Variants in ARHGAP21 observed in about 807,000 individuals in gnomAD.
ARHGAP21 encodes Rho GTPase activating protein 21.
ARHGAP21 carries 38 observed loss-of-function variants against 164.6 expected under a neutral mutation model. That is an observed-to-expected ratio of 0.23 (90% CI 0.18 to 0.30). ARHGAP21 has a LOEUF of 0.30. Among genes scored for constraint, ARHGAP21 ranks in the 10% least tolerant of loss-of-function variants. The probability of loss-of-function intolerance (pLI) is 1.00; values close to 1 mark genes in which losing one functional copy is unlikely to be tolerated. For synonymous variants in ARHGAP21, 766 were observed against 857.9 expected (o/e 0.89, Z 1.87); for missense variants, 1,822 against 2,370.7 (o/e 0.77, Z 4.81).
chr10:24,605,876 C>T lies in ARHGAP21; in HGVS notation c.2685-1528G>A, dbSNP rs1262480650. On this transcript the variant is annotated intron_variant, in intron 11 of 25. Coordinates refer to ENST00000396432, the MANE Select transcript of ARHGAP21 (RefSeq NM_020824.4). ...GGTAAGACAGACATTATAAAACTAC[C>T]ATAATTAATAGAACCTCGTGTACAT... 3 of 151,916 alleles carry T rather than the reference C, an allele frequency of 2.0e-5. No homozygotes were observed. The South Asian group carries it at 6.2e-4, about 32-fold the overall frequency. The allele number at this position is 151,916 out of a possible 1,614,324, so 9.4% of individuals were successfully genotyped here.
chr10:24,651,587 G>C (rs1438939817), intron 4 of ARHGAP21, among the ~76,000 whole-genome samples: 1 of 152,170 alleles, frequency 6.6e-6, no homozygotes, highest in East Asian at 1.9e-4. Flanking sequence ...AAATAAAACA[G>C]AAAACCAAAT....
At chr10:24,589,006 C>A (rs1356936511) in intron 25 of ARHGAP21, among the ~76,000 whole-genome samples, 2 of 151,988 alleles carry the variant, frequency 1.3e-5, no homozygotes, top group East Asian at 3.9e-4. Flanking sequence ...ATGTTAGGAC[C>A]TAATTTTCAC....
In ARHGAP21 at chr10:24,673,010, G is replaced by A. The variant is rs1484746298; in HGVS notation, c.64-2613C>T. 3.3e-5 allele frequency among the ~76,000 whole-genome samples: 5 copies of A among 152,004 alleles called. No homozygotes were observed. The East Asian group carries it at 9.6e-4, about 29-fold the overall frequency. On this transcript the variant is annotated intron_variant, in intron 2 of 25. Coordinates refer to ENST00000396432, the MANE Select transcript of ARHGAP21 (RefSeq NM_020824.4). Reference sequence around the variant, plus strand: ...GATAAATCTGACAAAAGATTTGTAAGATCTACAAACTGAAGCTCCAAAACA... The same window carrying A: ...GATAAATCTGACAAAAGATTTGTAAAATCTACAAACTGAAGCTCCAAAACA...
intron 2 of ARHGAP21, among the ~76,000 whole-genome samples, chr10:24,682,205 T>C (rs1593272466): frequency 6.6e-6 from 1 of 151,876 alleles, no homozygotes; most frequent in African/African-American, 2.4e-5. Context: ...GGGAAAACAG[T>C]ATATAAAATA....
intron 9 of ARHGAP21, among the ~76,000 whole-genome samples, chr10:24,614,892 T>C (rs938570573): frequency 2.6e-5 from 4 of 151,340 alleles, no homozygotes; most frequent in African/African-American, 9.7e-5. Context: ...TGTTTCAGAA[T>C]AAAAGTTAAT....
intron 4 of ARHGAP21, among the ~76,000 whole-genome samples, chr10:24,660,925 C>T (rs551016916): frequency 4.7e-4 from 71 of 152,086 alleles, no homozygotes; most frequent in African/African-American, 1.5e-3. Context: ...CTGCTCAGGC[C>T]CCTATGCTGA....
intron 1 of ARHGAP21, chr10:24,722,685 C>G (rs1262777732): frequency 1.3e-5 from 2 of 152,054 alleles, no homozygotes; most frequent in Admixed American, 1.3e-4. Flanking sequence ...CCTCCGCCCC[C>G]CAAAAACGCA....
chr10:24,661,424 G>A (rs971296825), intron 4 of ARHGAP21, among the ~76,000 whole-genome samples: 8 of 151,978 alleles, frequency 5.3e-5, no homozygotes, highest in African/African-American at 1.2e-4. Flanking sequence ...TAAATGGCTC[G>A]GTATTTCTTG....
chr10:24,627,652 G>T (rs1227767584), intron 7 of ARHGAP21, among the ~76,000 whole-genome samples: 1 of 151,746 alleles, frequency 6.6e-6, no homozygotes, highest in Non-Finnish European at 1.5e-5. Flanking sequence ...TCTGTCTCTG[G>T]GATACTTTAT....
intron 2 of ARHGAP21, among the ~76,000 whole-genome samples, chr10:24,683,266 C>A (rs1272871060): frequency 1.3e-5 from 2 of 152,042 alleles, no homozygotes; most frequent in African/African-American, 4.8e-5. Flanking sequence ...CTTGGACATT[C>A]ATTTATAATA....
chr10:24,622,433 C>CATATATATAT (rs10530408), intron 8 of ARHGAP21, among the ~76,000 whole-genome samples: 41 of 89,748 alleles, frequency 4.6e-4, no homozygotes, highest in Non-Finnish European at 7.3e-4. Flanking sequence ...ACTTAAAAAA[C>CATATATATAT]ATATATATAT....
intron 2 of ARHGAP21, among the ~76,000 whole-genome samples, chr10:24,679,190 T>C (rs1190518823): frequency 6.6e-6 from 1 of 152,188 alleles, no homozygotes; most frequent in East Asian, 1.9e-4. Context: ...CAAAATATCA[T>C]AGGCTAGGTT....
At chr10:24,650,669 GA>G (rs1335227102) in intron 4 of ARHGAP21, among the ~76,000 whole-genome samples, 1 of 152,128 alleles carries the variant, frequency 6.6e-6, no homozygotes, top group Non-Finnish European at 1.5e-5. Flanking sequence ...ATACATACGT[GA>G]AAATTTCTAA....
intron 4 of ARHGAP21, among the ~76,000 whole-genome samples, chr10:24,639,780 G>C (rs1306944760): frequency 6.6e-6 from 1 of 152,116 alleles, no homozygotes; most frequent in Non-Finnish European, 1.5e-5. Context: ...ATAGGCCTGG[G>C]GGCTTTGTCA....
Position 24,597,526 on chromosome 10 carries a change from C to G in ARHGAP21, c.3255G>C (p.Leu1085Phe). The G allele has an allele frequency of 6.2e-7, 1 of 1,614,126 alleles. No individual in the cohort carries two copies. The change falls in exon 16 of 26, where the codon TTG becomes TTC. Residue 1085 changes from leucine (L) to phenylalanine (F), a missense_variant. Leu to Phe is a conservative substitution (Grantham distance 22, BLOSUM62 0). This residue lies in a region of ARHGAP21 where 1,090 missense variants were observed against 1,378.9 expected (regional missense o/e 0.79). Transcript: ENST00000396432. ...TCTTTGGCTCTGATTTAGCACCAAG[C>G]AAAGTTTGCCTGATGCTGAGACTCT... ...PRQSLSIRQT[L>F]LGAKSEPKTQ...
At position 24,600,810 on chromosome 10, in the gene ARHGAP21, T is replaced by C. The variant is rs528737389; in HGVS notation, c.2968A>G (p.Ser990Gly). 6.2e-7 allele frequency: 1 copy of C among 1,614,194 alleles called. No homozygotes were observed. The highest frequency in any genetic ancestry group is 1.7e-5 in the Admixed American group (1 of 60,022). The change falls in exon 14 of 26, where the codon AGT becomes GGT. Residue 990 changes from serine to glycine, a missense_variant. Physicochemically the swap from Ser to Gly is moderately conservative, Grantham distance 56. Around this residue, in one of 5 missense-constraint regions of ARHGAP21, gnomAD observed 1,090 missense variants for 1,378.9 expected, o/e 0.79. Transcript: ENST00000396432. ...TTPSEEEQPI[S>G]VNACLIDISY... is the part of the protein sequence containing the mutation. ...ATGTCTATCAAGCAAGCATTAACAC[T>C]GATGGGCTGCTCTTCCTCAGACGGA...
At chr10:24,687,138 G>A (rs1842287996) in intron 2 of ARHGAP21, among the ~76,000 whole-genome samples, 1 of 137,582 alleles carries the variant, frequency 7.3e-6, no homozygotes, top group Admixed American at 7.3e-5. Context: ...GTGAGCCCAT[G>A]AGGTCTGGGT....
intron 2 of ARHGAP21, among the ~76,000 whole-genome samples, chr10:24,671,884 ATTTTTTTTTT>A (rs35692163): frequency 5.6e-4 from 46 of 82,546 alleles, no homozygotes; most frequent in Admixed American, 1.9e-3. Context: ...CATCAAGCTA[ATTTTTTTTTT>A]TTTTTTTTTT....
chr10:24,625,058 G>T (rs1265206181), intron 7 of ARHGAP21, among the ~76,000 whole-genome samples: 1 of 79,912 alleles, frequency 1.3e-5, no homozygotes, highest in Non-Finnish European at 2.4e-5. Flanking sequence ...AGTGGGGGGG[G>T]GGGGGGAGGA....
Sources: allele counts gnomAD v4.1 joint callset (sites outside exome capture counted in the v4.1 genomes callset), GRCh38; gene constraint gnomAD v4.1.1; regional missense constraint gnomAD v4.1.1; transcripts MANE v1.5; gene names NCBI Gene and HGNC (gene_info 2026-07-23, HGNC 2026-07-21).